The following BAIAP2L1 variants were observed in gnomAD, a reference collection of about 807,000 sequenced individuals.
BAIAP2L1 encodes the protein BAR/IMD domain containing adaptor protein 2 like 1.
BAIAP2L1 carries 35 observed loss-of-function variants against 66.3 expected under a neutral mutation model. That is an observed-to-expected ratio of 0.53 (90% CI 0.40 to 0.70). The LOEUF (loss-of-function observed/expected upper bound fraction) is 0.70, where lower values mean the gene tolerates loss of function less well. Ranked by LOEUF, BAIAP2L1 falls within the 30% of genes least tolerant of loss-of-function variation. BAIAP2L1 has a pLI of 0.00. For missense variants in BAIAP2L1, 622 were observed against 656.9 expected (o/e 0.95, Z 0.58); for synonymous variants, 269 against 248.7 (o/e 1.08, Z -0.77).
intron 12 of BAIAP2L1, among the ~76,000 whole-genome samples, chr7:98,302,826 C>A (rs1800484500): frequency 6.6e-6 from 1 of 152,168 alleles, no homozygotes; most frequent in Non-Finnish European, 1.5e-5. Context: ...TCTCTGTCAT[C>A]CAGGCTGGCA....
chr7:98,386,495 C>A (rs896250453), intron 1 of BAIAP2L1: 117 of 1,597,048 alleles, frequency 7.3e-5, no homozygotes, highest in Admixed American at 5.2e-4. Context: ...TCACATCATA[C>A]CAATCTTTCT....
At chr7:98,398,030 C>T (rs1803257226) in intron 1 of BAIAP2L1, among the ~76,000 whole-genome samples, 1 of 152,108 alleles carries the variant, frequency 6.6e-6, no homozygotes, top group African/African-American at 2.4e-5. Flanking sequence ...ATAATTCCTC[C>T]TTTTCTCTAA....
At chr7:98,345,495 C>T (rs1801849471) in intron 3 of BAIAP2L1, among the ~76,000 whole-genome samples, 6 of 152,078 alleles carry the variant, frequency 3.9e-5, no homozygotes, top group South Asian at 2.1e-4. Context: ...GAGGCCGAGG[C>T]GGGTGGATCA....
At chr7:98,300,210 C>G (rs1481166466) in intron 12 of BAIAP2L1, among the ~76,000 whole-genome samples, 2 of 152,072 alleles carry the variant, frequency 1.3e-5, no homozygotes, top group East Asian at 3.9e-4. Flanking sequence ...GATCCATGAT[C>G]CCTGCTGGTG....
intron 1 of BAIAP2L1, among the ~76,000 whole-genome samples, chr7:98,388,142 T>C (rs931885146): frequency 9.2e-5 from 14 of 152,282 alleles, no homozygotes; most frequent in African/African-American, 2.9e-4. Context: ...ATACCTACGA[T>C]GCGCCAGATG....
intron 2 of BAIAP2L1, among the ~76,000 whole-genome samples, chr7:98,360,165 T>C (rs949273526): frequency 6.6e-5 from 10 of 152,014 alleles, no homozygotes; most frequent in African/African-American, 1.2e-4. Flanking sequence ...TCAGGTGATC[T>C]GCCCACCTCG....
At chr7:98,319,937 A>G in intron 5 of BAIAP2L1, 121 bp downstream of exon 5, 1 of 801,468 alleles carries the variant, frequency 1.2e-6, no homozygotes, top group South Asian at 1.7e-5. Context: ...GCATCTGGGC[A>G]TCATCAACAC....
intron 1 of BAIAP2L1, among the ~76,000 whole-genome samples, chr7:98,384,863 TAA>T (rs1444427255): frequency 2.0e-5 from 3 of 151,974 alleles, no homozygotes; most frequent in Non-Finnish European, 4.4e-5. Flanking sequence ...CACGCCTGGG[TAA>T]TGTTTGTATT....
intron 2 of BAIAP2L1, chr7:98,355,409 G>A: frequency 2.2e-6 from 1 of 452,040 alleles, no homozygotes; most frequent in Non-Finnish European, 4.1e-6. Flanking sequence ...TGCTCCTGAT[G>A]CCAGTTTCAG....
chr7:98,379,184 T>C (rs1439279197), intron 1 of BAIAP2L1, among the ~76,000 whole-genome samples: 1 of 151,828 alleles, frequency 6.6e-6, no homozygotes, highest in African/African-American at 2.4e-5. Context: ...TGGCCAAAGC[T>C]AGGAATCTTA....
chr7:98,358,360 G>GT (rs1193714783), intron 2 of BAIAP2L1, among the ~76,000 whole-genome samples: 2,038 of 145,210 alleles, frequency 0.014, 42 homozygotes, highest in African/African-American at 0.044. Flanking sequence ...TTAGTTTTTT[G>GT]TTTTTTTTTT....
At position 98,304,384 on chromosome 7, in the gene BAIAP2L1, C is replaced by T; in HGVS notation, c.1242-8G>A. ...CTTCTCACTGGTGTGGGGCTCAAACCCAAAAAGGACACAGCACGTGTTAGA... is the reference window on the plus strand; with the variant it reads ...CTTCTCACTGGTGTGGGGCTCAAACTCAAAAAGGACACAGCACGTGTTAGA... On this transcript the variant is annotated splice_region_variant and splice_polypyrimidine_tract_variant and intron_variant, in intron 11 of 13. Coordinates refer to ENST00000005260, the MANE Select transcript of BAIAP2L1 (RefSeq NM_018842.5). The T allele has an allele frequency of 6.2e-7, 1 of 1,612,692 alleles. No homozygotes were observed. The highest frequency in any genetic ancestry group is 8.5e-7 in the Non-Finnish European group (1 of 1,179,512).
At chr7:98,312,382 G>T in intron 7 of BAIAP2L1, 118 bp from the exon 8 acceptor site, 7 of 1,156,304 alleles carry the variant, frequency 6.1e-6, no homozygotes, top group Non-Finnish European at 8.4e-6. Context: ...GAGTGTGGGG[G>T]CCCTGGGTTA....
intron 3 of BAIAP2L1, among the ~76,000 whole-genome samples, chr7:98,338,994 AC>A (rs759416584): frequency 2.7e-5 from 4 of 150,578 alleles, no homozygotes; most frequent in Non-Finnish European, 5.9e-5. Flanking sequence ...AATCGCTTGA[AC>A]CCAGGAGGCA....
chr7:98,398,271 A>C (rs1053891570), intron 1 of BAIAP2L1, among the ~76,000 whole-genome samples: 3 of 152,176 alleles, frequency 2.0e-5, no homozygotes, highest in Non-Finnish European at 4.4e-5. Flanking sequence ...TATTAAGCTT[A>C]AACTGTTTTC....
chr7:98,343,276 CACACACACACAG>C (rs1363258138), intron 3 of BAIAP2L1, among the ~76,000 whole-genome samples: 2 of 150,262 alleles, frequency 1.3e-5, no homozygotes, highest in African/African-American at 4.9e-5. Flanking sequence ...CACACACACA[CACACACACACAG>C]ACACACACAC....
At chr7:98,374,750 CTT>C (rs763029248) in intron 1 of BAIAP2L1, among the ~76,000 whole-genome samples, 1 of 152,106 alleles carries the variant, frequency 6.6e-6, no homozygotes, top group African/African-American at 2.4e-5. Context: ...CCCTCTCTCT[CTT>C]CTTTCCCATA....
At chr7:98,372,086 G>A (rs1562788430) in intron 1 of BAIAP2L1, among the ~76,000 whole-genome samples, 1 of 151,750 alleles carries the variant, frequency 6.6e-6, no homozygotes, top group Non-Finnish European at 1.5e-5. Flanking sequence ...GAGCCATCGC[G>A]CCCGGCCCTC....
chr7:98,335,817 C>T (rs1372476903), intron 3 of BAIAP2L1, among the ~76,000 whole-genome samples: 3 of 152,128 alleles, frequency 2.0e-5, no homozygotes, highest in Non-Finnish European at 4.4e-5. Flanking sequence ...ATTCTTGAGA[C>T]ACTGCAGCGG....
Sources: allele counts gnomAD v4.1 joint callset (sites outside exome capture counted in the v4.1 genomes callset), GRCh38; gene constraint gnomAD v4.1.1; transcripts MANE v1.5; gene names NCBI Gene and HGNC (gene_info 2026-07-23, HGNC 2026-07-21).